Variants in KCNQ5 observed in about 807,000 individuals in gnomAD.
KCNQ5 encodes potassium voltage-gated channel subfamily Q member 5.
A neutral mutation model predicts 98.2 loss-of-function variants in KCNQ5; 30 were observed. The observed-to-expected ratio is 0.31, with a 90% CI of 0.23 to 0.41. The LOEUF is 0.41. Among genes scored for constraint, KCNQ5 ranks in the 10% least tolerant of loss-of-function variants. The pLI is 1.00. For synonymous variants in KCNQ5, 458 were observed against 449.4 expected (o/e 1.02, Z -0.24); for missense variants, 835 against 1,182.5 (o/e 0.71, Z 4.31).
chr6:73,112,752 A>T (rs1378468865), intron 7 of KCNQ5, among the ~76,000 whole-genome samples: 1 of 151,860 alleles, frequency 6.6e-6, no homozygotes, highest in Non-Finnish European at 1.5e-5. Context: ...TGATATATGC[A>T]GTGCCTCCCA....
chr6:73,128,957 A>G (rs1447120248), intron 9 of KCNQ5, among the ~76,000 whole-genome samples: 2 of 152,104 alleles, frequency 1.3e-5, no homozygotes, highest in African/African-American at 4.8e-5. Flanking sequence ...GCTCTTGGAG[A>G]GAACTCTAGA....
intron 1 of KCNQ5, among the ~76,000 whole-genome samples, chr6:72,961,825 A>G (rs970065536): frequency 6.6e-6 from 1 of 151,986 alleles, no homozygotes; most frequent in Non-Finnish European, 1.5e-5. Flanking sequence ...GAGAGATTAT[A>G]TCTGTAAGTG....
At chr6:73,104,542 A>T (rs1774926399) in intron 5 of KCNQ5, among the ~76,000 whole-genome samples, 1 of 152,152 alleles carries the variant, frequency 6.6e-6, no homozygotes, top group Non-Finnish European at 1.5e-5. Flanking sequence ...ACTGTTCTGC[A>T]GCTAGCCACC....
chr6:72,819,917 T>C (rs569269497), intron 1 of KCNQ5, among the ~76,000 whole-genome samples: 25 of 152,314 alleles, frequency 1.6e-4, no homozygotes, highest in African/African-American at 5.3e-4. Context: ...TGGTTTCTGC[T>C]CCTGACACTT....
chr6:73,055,272 G>C, intron 3 of KCNQ5: 3 of 1,354,680 alleles, frequency 2.2e-6, no homozygotes, highest in Non-Finnish European at 3.2e-6. Flanking sequence ...TTGCAGAAGA[G>C]AGCGATCCCG....
intron 2 of KCNQ5, among the ~76,000 whole-genome samples, chr6:73,013,658 T>G (rs1412116305): frequency 6.6e-6 from 1 of 152,094 alleles, no homozygotes; most frequent in East Asian, 1.9e-4. Flanking sequence ...AAGTGTAAAA[T>G]AGCCAAGATT....
intron 11 of KCNQ5, among the ~76,000 whole-genome samples, chr6:73,186,983 G>A (rs1044708266): frequency 6.6e-6 from 1 of 151,342 alleles, no homozygotes; most frequent in South Asian, 2.1e-4. Flanking sequence ...GATGTTCCCC[G>A]CCCTGTGCCC....
intron 1 of KCNQ5, among the ~76,000 whole-genome samples, chr6:72,812,448 A>G (rs972677260): frequency 3.3e-5 from 5 of 152,216 alleles, no homozygotes; most frequent in Non-Finnish European, 7.3e-5. Flanking sequence ...CAGGGAGCCC[A>G]TAGGGAATAT....
At chr6:72,673,056 G>A (rs972066296) in intron 1 of KCNQ5, among the ~76,000 whole-genome samples, 2 of 152,164 alleles carry the variant, frequency 1.3e-5, no homozygotes, top group Non-Finnish European at 2.9e-5. Flanking sequence ...CTTTCCAGTA[G>A]TGAGGTTACT....
At chr6:73,129,684 T>C in intron 9 of KCNQ5, 1 of 821,070 alleles carries the variant, frequency 1.2e-6, no homozygotes. Context: ...TGTACTTCTA[T>C]ATTAAAAACA....
At chr6:72,788,722 A>C (rs1364769858) in intron 1 of KCNQ5, among the ~76,000 whole-genome samples, 2 of 152,210 alleles carry the variant, frequency 1.3e-5, no homozygotes, top group Admixed American at 6.5e-5. Flanking sequence ...AATTTTTACA[A>C]TAACAGTATC....
chr6:72,861,751 CG>C (rs1454142618), intron 1 of KCNQ5, among the ~76,000 whole-genome samples: 1 of 151,698 alleles, frequency 6.6e-6, no homozygotes, highest in Non-Finnish European at 1.5e-5. Context: ...ATATATGTTT[CG>C]GGCCCCATAA....
In KCNQ5 at chr6:73,174,833, C is replaced by T. The variant is rs542943777; in HGVS notation, c.1577+4979C>T. 3.3e-5 allele frequency among the ~76,000 whole-genome samples: 5 copies of T among 152,298 alleles called. No homozygotes were observed. In the South Asian group the frequency reaches 8.3e-4, roughly 25 times the overall value. On this transcript the variant is annotated intron_variant, in intron 11 of 13. Coordinates refer to ENST00000370398, the MANE Select transcript of KCNQ5 (RefSeq NM_019842.4). The stretch of plus-strand genomic sequence containing the variant: ...ATAAACATTTGCAAAGCACTTAGAA[C>T]GGTATACACGGTCAGCACTATGTAA...
At chr6:72,682,242 A>T (rs537132204) in intron 1 of KCNQ5, among the ~76,000 whole-genome samples, 31 of 152,298 alleles carry the variant, frequency 2.0e-4, no homozygotes, top group African/African-American at 7.5e-4. Context: ...TGTTTTTAGG[A>T]ACAAAATGCT....
chr6:73,050,637 G>T (rs1179240178), intron 3 of KCNQ5, among the ~76,000 whole-genome samples: 10 of 152,050 alleles, frequency 6.6e-5, no homozygotes, highest in Non-Finnish European at 1.3e-4. Context: ...TTTCTCACAT[G>T]TATATATGCA....
intron 1 of KCNQ5, among the ~76,000 whole-genome samples, chr6:72,743,990 C>G (rs1272654597): frequency 6.6e-6 from 1 of 152,130 alleles, no homozygotes; most frequent in African/African-American, 2.4e-5. Flanking sequence ...AGCTTATGAT[C>G]CCTTTGAGAC....
chr6:73,066,070 C>G (rs1032793612), intron 3 of KCNQ5, among the ~76,000 whole-genome samples: 1 of 152,116 alleles, frequency 6.6e-6, no homozygotes, highest in Non-Finnish European at 1.5e-5. Context: ...CGCTTGAACC[C>G]GAGAGGCGGA....
chr6:73,190,599 G>A lies in KCNQ5; in HGVS notation c.1604G>A (p.Arg535Gln), dbSNP rs1358941689. 30 of 1,520,112 alleles carry A rather than the reference G, an allele frequency of 2.0e-5. No individual in the cohort carries two copies. The highest frequency in any genetic ancestry group is 2.5e-5 in the South Asian group (2 of 78,772). 94.2% of individuals were successfully genotyped at this position (1,520,112 alleles called of 1,614,324 possible). A position where few individuals can be genotyped will look rare whatever the true frequency, so the allele number is the denominator to read the frequency against. The stretch of plus-strand genomic sequence containing the variant: ...ATTATGAAATTTCATGTTGCAAAAC[G>A]GAAGTTTAAGGAAACATTACGTCCA... ...IRIMKFHVAK[R>Q]KFKETLRPYD... The change falls in exon 12 of 14, where the codon CGG (arginine) becomes CAG (glutamine). Residue 535 changes from arginine (R) to glutamine (Q), a missense_variant. By Grantham distance (43) the Arg-to-Gln change is conservative. Around this residue, in one of 10 missense-constraint regions of KCNQ5, gnomAD observed 146 missense variants for 256.7 expected, o/e 0.57. Coordinates refer to ENST00000370398, the MANE Select transcript of KCNQ5 (RefSeq NM_019842.4).
chr6:73,073,268 A>G (rs1339396088), intron 3 of KCNQ5, among the ~76,000 whole-genome samples: 1 of 152,206 alleles, frequency 6.6e-6, no homozygotes, highest in African/African-American at 2.4e-5. Context: ...TTCTTCATTT[A>G]TAAGAAAGAG....
Sources: gnomAD v4.1 joint callset for allele counts (sites outside exome capture counted in the v4.1 genomes callset) on GRCh38, gnomAD v4.1.1 for gene constraint, gnomAD v4.1.1 regional missense constraint, MANE v1.5 for transcripts, NCBI Gene and HGNC (gene_info 2026-07-23, HGNC 2026-07-21) for gene names.